The following ARHGEF10 variants were observed in gnomAD, a reference collection of about 807,000 sequenced individuals.
ARHGEF10 encodes the protein Rho guanine nucleotide exchange factor (GEF) 10.
In ARHGEF10, 140 loss-of-function variants were observed where a neutral mutation model predicts 147.4. That is an observed-to-expected ratio of 0.95 (90% CI 0.83 to 1.09). ARHGEF10 has a LOEUF of 1.09. Among genes scored for constraint, ARHGEF10 ranks in the 50% least tolerant of loss-of-function variants. The pLI, the probability that ARHGEF10 is intolerant of heterozygous loss-of-function variation, is 0.00. For missense variants in ARHGEF10, 2,222 were observed against 1,752.7 expected (o/e 1.27, Z -4.78); for synonymous variants, 902 against 695.8 (o/e 1.30, Z -4.67).
chr8:1,918,095 G>C (rs1170330174), intron 18 of ARHGEF10, among the ~76,000 whole-genome samples: 1 of 152,112 alleles, frequency 6.6e-6, no homozygotes, highest in Non-Finnish European at 1.5e-5. Context: ...AACTGCAGGG[G>C]TTTCTTTAAT....
At chr8:1,849,483 GGGGGCGT>G (rs1804831167) in intron 2 of ARHGEF10, among the ~76,000 whole-genome samples, 5 of 150,434 alleles carry the variant, frequency 3.3e-5, no homozygotes, top group African/African-American at 1.2e-4. Flanking sequence ...AAATGCTGAG[GGGGGCGT>G]GGGGCAGCCA....
At chr8:1,930,146 C>T (rs1004664548) in intron 25 of ARHGEF10, among the ~76,000 whole-genome samples, 1 of 151,830 alleles carries the variant, frequency 6.6e-6, no homozygotes, top group Non-Finnish European at 1.5e-5. Context: ...CAGCTCTGAG[C>T]GCAGGGGTGC....
intron 21 of ARHGEF10, among the ~76,000 whole-genome samples, chr8:1,924,230 G>C (rs1232586904): frequency 6.6e-6 from 1 of 152,120 alleles, no homozygotes; most frequent in Non-Finnish European, 1.5e-5. Flanking sequence ...GGGGGTCATT[G>C]TTCCTCTTGG....
intron 7 of ARHGEF10, among the ~76,000 whole-genome samples, chr8:1,873,996 A>G (rs1404724756): frequency 1.3e-5 from 2 of 152,240 alleles, no homozygotes; most frequent in Non-Finnish European, 2.9e-5. Flanking sequence ...ACGCGGGGCT[A>G]AGGGCCAACG....
At chr8:1,828,778 G>A (rs1802916294) in intron 1 of ARHGEF10, among the ~76,000 whole-genome samples, 1 of 151,480 alleles carries the variant, frequency 6.6e-6, no homozygotes, top group Non-Finnish European at 1.5e-5. Flanking sequence ...CACACTTACT[G>A]TTTTAAGGAA....
Position 1,956,812 on chromosome 8 carries a change from C to T in ARHGEF10, c.3584C>T (p.Ala1195Val), listed in dbSNP as rs1461958346. The change falls in exon 29 of 29, where the codon GCT becomes GTT. Residue 1195 changes from alanine (A) to valine (V), a missense_variant. Ala to Val is a moderately conservative substitution (Grantham distance 64, BLOSUM62 0). Transcript: ENST00000349830. Reference sequence around the variant, plus strand: ...GTCAAATTCATCGTCCTGGCCACGGCTCTGCACGAGAAAGACAAGGACAAA... The same window carrying T: ...GTCAAATTCATCGTCCTGGCCACGGTTCTGCACGAGAAAGACAAGGACAAA... ...SPVKFIVLAT[A>V]LHEKDKDKSR... 6.2e-7 allele frequency: 1 copy of T among 1,614,104 alleles called. No individual in the cohort carries two copies. The highest frequency in any genetic ancestry group is 8.5e-7 in the Non-Finnish European group (1 of 1,180,046).
chr8:1,918,460 C>CTGTG (rs60519090), intron 18 of ARHGEF10, among the ~76,000 whole-genome samples: 5,468 of 140,876 alleles, frequency 0.039, 105 homozygotes, highest in Middle Eastern at 0.06. Flanking sequence ...CATTTGATGG[C>CTGTG]TGTGTGTGTG....
chr8:1,844,465 T>TCCCTGGG (rs1329433075), intron 2 of ARHGEF10, among the ~76,000 whole-genome samples: 73 of 151,364 alleles, frequency 4.8e-4, no homozygotes, highest in Middle Eastern at 6.9e-3. Flanking sequence ...AATCCAGGGG[T>TCCCTGGG]GAGCAGTGGC....
chr8:1,888,573 T>G (rs1809012544), intron 11 of ARHGEF10, among the ~76,000 whole-genome samples: 1 of 113,034 alleles, frequency 8.8e-6, no homozygotes, highest in Admixed American at 8.8e-5. Context: ...AGACACTGAG[T>G]GGGGTGTGAG....
intron 2 of ARHGEF10, among the ~76,000 whole-genome samples, chr8:1,856,155 G>GCC (rs1404820981): frequency 6.6e-6 from 1 of 152,222 alleles, no homozygotes; most frequent in Non-Finnish European, 1.5e-5. Context: ...TCTGGGCAGA[G>GCC]CAGAGTTCAC....
intron 28 of ARHGEF10, 148 bp downstream of exon 28, chr8:1,952,975 C>G: frequency 8.5e-7 from 1 of 1,180,310 alleles, no homozygotes. Flanking sequence ...ACTTAATAGA[C>G]TGTTTAATTG....
Position 1,948,260 on chromosome 8 carries a change from G to T in ARHGEF10, c.3397+2605G>T, listed in dbSNP as rs1379443810. ...TCCATGGCCACAGTGCGTGCTCTCA[G>T]CCCCCTGCTCCGGGGGCCCCTGAAT... On this transcript the variant is annotated intron_variant, in intron 27 of 28. Transcript: ENST00000349830. This position sits in a 1 kb window ranked among gnomAD's most constrained non-coding sequence, Gnocchi z 4.9. Among the ~76,000 whole-genome samples, 1 of 152,174 alleles carries T rather than the reference G, an allele frequency of 6.6e-6. No individual in the cohort carries two copies. Among genetic ancestry groups the T allele is most frequent in the African/African-American group, 2.4e-5 (1 of 41,440 alleles).
chr8:1,955,493 C>G (rs569595036), intron 28 of ARHGEF10, among the ~76,000 whole-genome samples: 5 of 147,322 alleles, frequency 3.4e-5, no homozygotes, highest in African/African-American at 1.0e-4. Context: ...AGGAAGTGCA[C>G]TCTCACTGTT....
At chr8:1,923,917 A>G (rs1325693371) in intron 21 of ARHGEF10, 43 bp downstream of exon 21, 1 of 1,580,338 alleles carries the variant, frequency 6.3e-7, no homozygotes, top group Non-Finnish European at 8.7e-7. Context: ...ATGCGGCGTG[A>G]TGATGAATTC....
intron 18 of ARHGEF10, among the ~76,000 whole-genome samples, chr8:1,914,623 A>T (rs545144705): frequency 2.0e-5 from 3 of 152,242 alleles, no homozygotes; most frequent in Non-Finnish European, 4.4e-5. Flanking sequence ...GTGTTTTGAA[A>T]TACACAGCAG....
intron 16 of ARHGEF10, 37 bp downstream of exon 16, chr8:1,903,488 A>T: frequency 6.2e-7 from 1 of 1,611,544 alleles, no homozygotes; most frequent in Non-Finnish European, 8.5e-7. Flanking sequence ...TTCCAAAATT[A>T]TTTTTGCTTT....
chr8:1,925,601 G>A (rs1420028816), intron 22 of ARHGEF10, among the ~76,000 whole-genome samples, 197 bp downstream of exon 22: 1 of 152,224 alleles, frequency 6.6e-6, no homozygotes, highest in South Asian at 2.1e-4. Context: ...CCCAGCCATT[G>A]TCTCTGAAGC....
At chr8:1,950,567 CT>C (rs1814949623) in intron 27 of ARHGEF10, among the ~76,000 whole-genome samples, 1 of 151,680 alleles carries the variant, frequency 6.6e-6, no homozygotes, top group Admixed American at 6.6e-5. Flanking sequence ...AGTTTCACTC[CT>C]TTTGCCCAGG....
rs1163418702 is a variant in ARHGEF10, at chr8:1,876,799, T to C, written c.843+65T>C. ...GTTAACACGGACAGGGGGCTGTGAA[T>C]ATGATTGTGATCCACCTAGTACTTC... On this transcript the variant is annotated intron_variant, in intron 8 of 28. Coordinates refer to ENST00000349830, the MANE Select transcript of ARHGEF10 (RefSeq NM_014629.4). The C allele has an allele frequency of 3.2e-6, 5 of 1,560,796 alleles. No individual in the cohort carries two copies. The African/African-American group carries it at 6.8e-5, about 21-fold the overall frequency.
Sources: gnomAD v4.1 joint callset for allele counts (sites outside exome capture counted in the v4.1 genomes callset) on GRCh38, gnomAD v4.1.1 for gene constraint, Gnocchi (gnomAD v3.1) non-coding constraint, MANE v1.5 for transcripts, NCBI Gene and HGNC (gene_info 2026-07-23, HGNC 2026-07-21) for gene names.